CTDP1: variants seen among roughly 807,000 people sequenced by gnomAD.
CTDP1 encodes the protein CTD phosphatase 1.
In CTDP1, 47 loss-of-function variants were observed where a neutral mutation model predicts 91.8. The observed-to-expected ratio is 0.51, with a 90% CI of 0.41 to 0.65. The LOEUF is 0.65. CTDP1 is among the 30% of genes least tolerant of loss of function. The pLI is 0.00. For missense variants in CTDP1, 1,272 were observed against 1,373.7 expected (o/e 0.93, Z 1.17); for synonymous variants, 656 against 598.5 (o/e 1.10, Z -1.40).
At chr18:79,712,808 T>G (rs1399893696) in intron 6 of CTDP1, among the ~76,000 whole-genome samples, 164 bp from the exon 7 acceptor site, 3 of 152,224 alleles carry the variant, frequency 2.0e-5, no homozygotes, top group South Asian at 2.1e-4. Flanking sequence ...GAGGTTTAAA[T>G]GCGACCCAAA....
intron 12 of CTDP1, among the ~76,000 whole-genome samples, chr18:79,742,278 GTCCACGAGAGA>G (rs1380778809): frequency 6.7e-6 from 1 of 149,608 alleles, no homozygotes; most frequent in Non-Finnish European, 1.5e-5. Flanking sequence ...GGTGTGAGGT[GTCCACGAGAGA>G]GAGGCCTGAG....
intron 12 of CTDP1, among the ~76,000 whole-genome samples, chr18:79,749,480 GGCACCAGACTGTGAGGGTCGCGCCCCGT>G (rs2086949866): frequency 6.6e-6 from 1 of 151,798 alleles, no homozygotes; most frequent in African/African-American, 2.4e-5. Flanking sequence ...CAGGGAGCCG[GGCACCAGACTGTGAGGGTCGCGCCCCGT>G]GCACACGAGA....
At position 79,717,960 on chromosome 18, in the gene CTDP1, G is replaced by T. The variant is rs778686972; in HGVS notation, c.2361G>T (p.Arg787=). 2 of 1,613,470 alleles carry T rather than the reference G, an allele frequency of 1.2e-6. No individual in the cohort carries two copies. Among genetic ancestry groups the T allele is most frequent in the Non-Finnish European group, 1.7e-6 (2 of 1,179,976 alleles). ...NTGKLIRTGA[R]GPPAPSSSLP... ...GGAAGCTCATCAGGACGGGCGCCCG[G>T]GGGCCCCCAGCACCCTCCAGCTCCC... Residue 787 remains arginine (R), a synonymous_variant, in exon 10 of 13, where the codon CGG becomes CGT. Coordinates refer to ENST00000613122, the MANE Select transcript of CTDP1 (RefSeq NM_004715.5).
At chr18:79,701,926 C>G (rs1431893506) in intron 4 of CTDP1, among the ~76,000 whole-genome samples, 1 of 152,194 alleles carries the variant, frequency 6.6e-6, no homozygotes, top group East Asian at 1.9e-4. Context: ...GAAACTCGAA[C>G]AGATGAGGAG....
intron 6 of CTDP1, among the ~76,000 whole-genome samples, chr18:79,712,573 A>C (rs978596496): frequency 2.0e-5 from 3 of 152,192 alleles, no homozygotes; most frequent in Non-Finnish European, 4.4e-5. Context: ...TTAGCCACAC[A>C]GCGCCTAGCC....
chr18:79,730,737 CAGG>C (rs933623972), intron 11 of CTDP1, among the ~76,000 whole-genome samples: 11 of 152,160 alleles, frequency 7.2e-5, no homozygotes, highest in African/African-American at 2.4e-4. Context: ...CGCCTGCAGG[CAGG>C]AGAAGGGGTC....
chr18:79,745,258 T>TG (rs2086858177), intron 12 of CTDP1, among the ~76,000 whole-genome samples: 1 of 135,110 alleles, frequency 7.4e-6, no homozygotes, highest in African/African-American at 2.8e-5. Flanking sequence ...GCGCGTTCTG[T>TG]CCCTGCGTCC....
At chr18:79,736,561 C>T (rs1379646743) in intron 12 of CTDP1, 40 bp downstream of exon 12, 43 of 1,494,500 alleles carry the variant, frequency 2.9e-5, no homozygotes, top group Non-Finnish European at 3.8e-5. Flanking sequence ...CTGACACGGG[C>T]TCCCGGAGGT....
intron 5 of CTDP1, among the ~76,000 whole-genome samples, chr18:79,705,647 C>T (rs957569452): frequency 3.3e-5 from 5 of 152,222 alleles, no homozygotes; most frequent in African/African-American, 4.8e-5. Context: ...GGACGGCGAC[C>T]GTCTGTCCCA....
At position 79,715,263 on chromosome 18, in the gene CTDP1, CACTG is replaced by C; in HGVS notation, c.1807_1810del (p.Asp603ThrfsTer36). ...TGGAGGAGATCCTGGTCCGTGTACA[CACTG>C]ACTACTATGCCAAGTATGACCGCTA... On this transcript the variant is annotated frameshift_variant, in exon 8 of 13. Coordinates refer to ENST00000613122, the MANE Select transcript of CTDP1 (RefSeq NM_004715.5). LOFTEE classifies it high-confidence loss of function. 1.2e-6 allele frequency: 2 copies of C among 1,610,660 alleles called. No individual in the cohort carries two copies. Among genetic ancestry groups the C allele is most frequent in the Non-Finnish European group, 1.7e-6 (2 of 1,178,574 alleles).
chr18:79,730,050 T>C (rs1167871902), intron 11 of CTDP1, among the ~76,000 whole-genome samples: 3 of 152,206 alleles, frequency 2.0e-5, no homozygotes, highest in Non-Finnish European at 2.9e-5. Flanking sequence ...ATGCAGATAG[T>C]TCTATTCAGG....
intron 11 of CTDP1, 40 bp from the exon 12 acceptor site, chr18:79,736,315 C>T (rs772848351): frequency 5.3e-5 from 82 of 1,548,368 alleles, no homozygotes; most frequent in South Asian, 2.5e-4. Flanking sequence ...GAACGGGGCC[C>T]GGGAAGGAGG....
Position 79,736,482 on chromosome 18 carries a change from C to G in CTDP1, c.2708C>G (p.Ala903Gly). Residue 903 changes from alanine (A) to glycine (G), a missense_variant, in exon 12 of 13, where the codon GCG becomes GGG. Physicochemically the swap from Ala to Gly is moderately conservative, Grantham distance 60. Transcript: ENST00000613122. ...TRRERTLGAP[A>G]SSERSAAGGR... ...AGGGAGCGGACGCTCGGGGCACCTG[C>G]GTCCAGCGAGAGGAGCGCGGCAGGG... 2 of 1,548,292 alleles carry G rather than the reference C, an allele frequency of 1.3e-6. No individual in the cohort carries two copies. Among genetic ancestry groups the G allele is most frequent in the Non-Finnish European group, 1.7e-6 (2 of 1,146,604 alleles).
chr18:79,690,260 G>A (rs1025206149), intron 1 of CTDP1, among the ~76,000 whole-genome samples: 6 of 152,090 alleles, frequency 3.9e-5, no homozygotes, highest in African/African-American at 9.7e-5. Flanking sequence ...CCATGCCCTC[G>A]GACCTCCCCT....
intron 4 of CTDP1, 40 bp downstream of exon 4, chr18:79,698,028 C>T (rs544356117): frequency 2.2e-5 from 35 of 1,612,848 alleles, no homozygotes; most frequent in East Asian, 1.6e-4. Context: ...TCCCAGGAAC[C>T]GCGGGTCCTA....
Position 79,680,234 on chromosome 18 carries a change from C to G in CTDP1, c.287C>G (p.Ala96Gly). The G allele has an allele frequency of 1.5e-6, 2 of 1,316,726 alleles. No homozygotes were observed. The highest frequency in any genetic ancestry group is 1.9e-6 in the Non-Finnish European group (2 of 1,038,176). 81.6% of individuals were successfully genotyped at this position (1,316,726 alleles called of 1,614,324 possible). A position where few individuals can be genotyped will look rare whatever the true frequency, so the allele number is the denominator to read the frequency against. ...GCGGGCGTGGTGCGGGAGCTGTGCGCGCAGCCGGGCCAGGTGGTCGCCCCA... is the reference window on the plus strand; with the variant it reads ...GCGGGCGTGGTGCGGGAGCTGTGCGGGCAGCCGGGCCAGGTGGTCGCCCCA... ...ERAGVVRELC[A>G]QPGQVVAPGA... The change falls in exon 1 of 13, where the codon GCG becomes GGG. Residue 96 changes from alanine to glycine, a missense_variant. This residue lies in a region of CTDP1 where 214 missense variants were observed against 179.1 expected (regional missense o/e 1.19). Coordinates refer to ENST00000613122, the MANE Select transcript of CTDP1 (RefSeq NM_004715.5).
intron 1 of CTDP1, chr18:79,682,954 T>C (rs2085405221): frequency 6.6e-6 from 1 of 152,264 alleles, no homozygotes; most frequent in South Asian, 2.1e-4. Context: ...TGCCTTCCTC[T>C]AGAGAGCCTG....
intron 12 of CTDP1, among the ~76,000 whole-genome samples, chr18:79,743,492 C>G (rs1599314466): frequency 6.7e-6 from 1 of 148,330 alleles, no homozygotes; most frequent in Admixed American, 6.8e-5. Context: ...TGCCACTACA[C>G]TCCACCCTGG....
intron 5 of CTDP1, among the ~76,000 whole-genome samples, chr18:79,707,520 T>C (rs1042712517): frequency 1.3e-5 from 2 of 152,252 alleles, no homozygotes; most frequent in African/African-American, 4.8e-5. Flanking sequence ...TCTGGTGCCT[T>C]CTCCGTTTCA....
Sources: gnomAD v4.1 joint callset for allele counts (sites outside exome capture counted in the v4.1 genomes callset) on GRCh38, gnomAD v4.1.1 for gene constraint, gnomAD v4.1.1 regional missense constraint, MANE v1.5 for transcripts, NCBI Gene and HGNC (gene_info 2026-07-23, HGNC 2026-07-21) for gene names.